MEF2A: variants seen among roughly 807,000 people sequenced by gnomAD.
MEF2A encodes myocyte enhancer factor 2A.
MEF2A carries 28 observed loss-of-function variants against 55.8 expected under a neutral mutation model. The ratio of observed to expected loss-of-function variants is 0.50; its 90% confidence interval spans 0.37 to 0.69. The LOEUF is 0.69. Ranked by LOEUF, MEF2A falls within the 30% of genes least tolerant of loss-of-function variation. The probability of loss-of-function intolerance (pLI) is 0.00; values close to 1 mark genes in which losing one functional copy is unlikely to be tolerated. For synonymous variants in MEF2A, 239 were observed against 227.1 expected, an observed-to-expected ratio of 1.05 and a Z score of -0.47; for missense variants, 528 against 626.2, an observed-to-expected ratio of 0.84 and a Z score of 1.67.
At chr15:99,710,227 C>T (rs2058480577) in intron 10 of MEF2A, among the ~76,000 whole-genome samples, 1 of 152,150 alleles carries the variant, frequency 6.6e-6, no homozygotes, top group Non-Finnish European at 1.5e-5. Context: ...TATCTGGCTT[C>T]TCTCAATGTA....
intron 7 of MEF2A, among the ~76,000 whole-genome samples, chr15:99,679,220 T>G (rs894202705): frequency 6.6e-6 from 1 of 152,264 alleles, no homozygotes; most frequent in Non-Finnish European, 1.5e-5. Flanking sequence ...TCACTCATCC[T>G]TATGTACTGT....
chr15:99,684,085 A>G (rs1002232534), intron 7 of MEF2A, among the ~76,000 whole-genome samples: 4 of 151,812 alleles, frequency 2.6e-5, no homozygotes, highest in African/African-American at 9.7e-5. Flanking sequence ...ACATATATGT[A>G]TATATATATA....
chr15:99,635,574 A>G (rs1344763074), intron 3 of MEF2A, among the ~76,000 whole-genome samples: 1 of 152,132 alleles, frequency 6.6e-6, no homozygotes, highest in Non-Finnish European at 1.5e-5. Context: ...ACCACCCGAG[A>G]GGCACTCTAT....
intron 2 of MEF2A, among the ~76,000 whole-genome samples, chr15:99,618,565 C>T (rs567298999): frequency 2.6e-4 from 39 of 152,182 alleles, no homozygotes; most frequent in African/African-American, 8.4e-4. Flanking sequence ...GAATATTCTT[C>T]TTAGGAAATT....
At chr15:99,606,361 A>G (rs900393337) in intron 2 of MEF2A, among the ~76,000 whole-genome samples, 11 of 152,052 alleles carry the variant, frequency 7.2e-5, no homozygotes, top group Non-Finnish European at 1.5e-4. Flanking sequence ...AAAAAATCAA[A>G]ACGGCAAGTA....
intron 8 of MEF2A, among the ~76,000 whole-genome samples, chr15:99,691,351 A>G (rs950987391): frequency 6.6e-6 from 1 of 152,174 alleles, no homozygotes; most frequent in African/African-American, 2.4e-5. Context: ...ACTTTCATTA[A>G]TCAATTAAAC....
At chr15:99,613,359 A>G (rs940353510) in intron 2 of MEF2A, among the ~76,000 whole-genome samples, 2 of 152,142 alleles carry the variant, frequency 1.3e-5, no homozygotes, top group Admixed American at 6.5e-5. Context: ...CATTTATTGA[A>G]CTATCTAGTT....
intron 9 of MEF2A, among the ~76,000 whole-genome samples, chr15:99,706,034 C>T (rs2058001578): frequency 6.6e-6 from 1 of 152,172 alleles, no homozygotes; most frequent in African/African-American, 2.4e-5. Context: ...TATCCATTCC[C>T]AGCATGGATA....
Position 99,645,691 on chromosome 15 carries a change from T to C in MEF2A, c.185T>C (p.Met62Thr), listed in dbSNP as rs781433971. The C allele has an allele frequency of 5.6e-6, 9 of 1,613,642 alleles. No individual in the cohort carries two copies. Among genetic ancestry groups the C allele is most frequent in the Non-Finnish European group, 7.6e-6 (9 of 1,179,676 alleles). ...NKLFQYASTD[M>T]DKVLLKYTEY... is the part of the protein sequence containing the mutation. ...CTGTTTCAATATGCTAGCACTGATA[T>C]GGACAAAGTTCTTCTCAAGTATACA... Residue 62 changes from methionine to threonine, a missense_variant, in exon 4 of 12, where the codon ATG becomes ACG. By Grantham distance (81) the Met-to-Thr change is moderately conservative. Transcript: ENST00000557942.
chr15:99,647,703 A>C (rs2046196298), intron 4 of MEF2A, among the ~76,000 whole-genome samples: 1 of 152,176 alleles, frequency 6.6e-6, no homozygotes, highest in Non-Finnish European at 1.5e-5. Flanking sequence ...TCAATTACAT[A>C]TTGGGATTTT....
intron 1 of MEF2A, among the ~76,000 whole-genome samples, chr15:99,582,892 A>G (rs1596278786): frequency 6.6e-6 from 1 of 152,118 alleles, no homozygotes; most frequent in Non-Finnish European, 1.5e-5. Flanking sequence ...TGTAGATAGA[A>G]CAGTTACTAG....
chr15:99,663,935 T>C (rs1477096713), intron 4 of MEF2A, among the ~76,000 whole-genome samples: 1 of 152,178 alleles, frequency 6.6e-6, no homozygotes, highest in Non-Finnish European at 1.5e-5. Flanking sequence ...TGGTAACATA[T>C]ACCCAGAATT....
intron 10 of MEF2A, among the ~76,000 whole-genome samples, chr15:99,708,243 T>C (rs1392636362): frequency 6.6e-6 from 1 of 152,156 alleles, no homozygotes; most frequent in Non-Finnish European, 1.5e-5. Context: ...AAGTCCTGAA[T>C]TGTTGTGATT....
Position 99,633,193 on chromosome 15 carries a change from T to A in MEF2A, c.54+20T>A, listed in dbSNP as rs1362849390. On this transcript the variant is annotated intron_variant, in intron 3 of 11. Coordinates refer to ENST00000557942, the MANE Select transcript of MEF2A (RefSeq NM_001319206.4). ...CGACAGGTAAATGAAAATTTTAATTTATTTAATTGATATGAATATTCTTTT... is the reference window on the plus strand; with the variant it reads ...CGACAGGTAAATGAAAATTTTAATTAATTTAATTGATATGAATATTCTTTT... 6.7e-7 allele frequency: 1 copy of A among 1,494,140 alleles called. No homozygotes were observed. The highest frequency in any genetic ancestry group is 9.0e-7 in the Non-Finnish European group (1 of 1,111,190). The allele number at this position is 1,494,140 out of a possible 1,614,324, so 92.6% of individuals were successfully genotyped here. A position where few individuals can be genotyped will look rare whatever the true frequency, so the allele number is the denominator to read the frequency against.
At chr15:99,630,493 C>CT (rs35285959) in intron 2 of MEF2A, among the ~76,000 whole-genome samples, 33,356 of 152,066 alleles carry the variant, frequency 0.22, 4,350 homozygotes, top group South Asian at 0.33. Flanking sequence ...TTGTTTTAAA[C>CT]TTTTTTCTGA....
intron 1 of MEF2A, among the ~76,000 whole-genome samples, chr15:99,593,185 C>A (rs1446277550): frequency 6.6e-6 from 1 of 152,132 alleles, no homozygotes; most frequent in Admixed American, 6.6e-5. Context: ...TTTTGCTAAT[C>A]TGTCGCACAA....
At chr15:99,702,542 C>T (rs1184132304) in intron 8 of MEF2A, among the ~76,000 whole-genome samples, 1 of 151,810 alleles carries the variant, frequency 6.6e-6, no homozygotes, top group African/African-American at 2.4e-5. Flanking sequence ...ATTCTCCTGC[C>T]TCAGTCTCCT....
chr15:99,582,105 A>G (rs1966116397), intron 1 of MEF2A, among the ~76,000 whole-genome samples: 1 of 152,182 alleles, frequency 6.6e-6, no homozygotes, highest in Non-Finnish European at 1.5e-5. Context: ...ACAGTTTGTA[A>G]TCGTGGAAGT....
At chr15:99,679,068 A>G (rs1467500055) in intron 7 of MEF2A, among the ~76,000 whole-genome samples, 1 of 152,226 alleles carries the variant, frequency 6.6e-6, no homozygotes, top group East Asian at 1.9e-4. Context: ...AATTGCTAAG[A>G]TGAAATAGAT....
Sources: gnomAD v4.1 joint callset for allele counts (sites outside exome capture counted in the v4.1 genomes callset) on GRCh38, gnomAD v4.1.1 for gene constraint, MANE v1.5 for transcripts, NCBI Gene and HGNC (gene_info 2026-07-23, HGNC 2026-07-21) for gene names.